The following UHRF2 variants were observed in gnomAD, a reference collection of about 807,000 sequenced individuals.
UHRF2 encodes E3 ubiquitin-protein ligase UHRF2.
Under a neutral mutation model 96.8 loss-of-function variants are expected in UHRF2, and 23 were observed. The ratio of observed to expected loss-of-function variants is 0.24; its 90% CI spans 0.17 to 0.34. The LOEUF (loss-of-function observed/expected upper bound fraction) is 0.34. Among genes scored for constraint, UHRF2 ranks in the 10% least tolerant of loss-of-function variants. The probability of loss-of-function intolerance (pLI) is 1.00; values close to 1 mark genes in which losing one functional copy is unlikely to be tolerated. For missense variants in UHRF2, 685 were observed against 981.5 expected, an observed-to-expected ratio of 0.70 and a Z score of 4.04; for synonymous variants, 385 against 332.6, an observed-to-expected ratio of 1.16 and a Z score of -1.72.
At chr9:6,414,386 A>T (rs1185970887) in intron 1 of UHRF2, among the ~76,000 whole-genome samples, 2 of 152,118 alleles carry the variant, frequency 1.3e-5, no homozygotes, top group Non-Finnish European at 2.9e-5. Context: ...TGCTTTTCTT[A>T]CTTCTCGCCT....
At chr9:6,484,096 AG>A (rs1383965827) in intron 8 of UHRF2, among the ~76,000 whole-genome samples, 1 of 146,834 alleles carries the variant, frequency 6.8e-6, no homozygotes, top group Non-Finnish European at 1.5e-5. Context: ...TTTAAGAGAC[AG>A]GGTCTTGCTC....
intron 2 of UHRF2, among the ~76,000 whole-genome samples, chr9:6,427,532 A>G (rs10739100): frequency 2.0e-5 from 3 of 151,738 alleles, no homozygotes; most frequent in African/African-American, 7.3e-5. Context: ...ACTGAAAATA[A>G]AAAAATTAGC....
intron 3 of UHRF2, 72 bp downstream of exon 3, chr9:6,434,245 T>C: frequency 1.4e-6 from 2 of 1,471,718 alleles, no homozygotes; most frequent in South Asian, 1.4e-5. Context: ...TATTTCAAGA[T>C]TATTTTAAAT....
intron 2 of UHRF2, among the ~76,000 whole-genome samples, chr9:6,430,690 C>T (rs1012062014): frequency 2.6e-5 from 4 of 152,166 alleles, no homozygotes; most frequent in Non-Finnish European, 5.9e-5. Flanking sequence ...GCCACCCCTA[C>T]AATCCAAAGC....
intron 6 of UHRF2, among the ~76,000 whole-genome samples, chr9:6,479,936 G>A (rs1241009700): frequency 2.0e-5 from 3 of 151,900 alleles, no homozygotes; most frequent in South Asian, 2.1e-4. Context: ...TGTACTATCC[G>A]TTCTCCCATA....
chr9:6,453,011 T>G (rs1304306548), intron 3 of UHRF2, among the ~76,000 whole-genome samples: 1 of 152,230 alleles, frequency 6.6e-6, no homozygotes, highest in East Asian at 1.9e-4. Context: ...CCCTAGCAAT[T>G]GACTTACTGT....
chr9:6,421,747 C>CCCTA (rs1240417386), intron 2 of UHRF2, among the ~76,000 whole-genome samples: 4 of 152,244 alleles, frequency 2.6e-5, no homozygotes, highest in Admixed American at 6.5e-5. Flanking sequence ...TCGTGTGTGT[C>CCCTA]CCTATCAGAA....
chr9:6,466,814 A>G (rs1227991997), intron 4 of UHRF2, among the ~76,000 whole-genome samples: 1 of 152,140 alleles, frequency 6.6e-6, no homozygotes, highest in Non-Finnish European at 1.5e-5. Context: ...TTTGTACTTG[A>G]TGTTCCCTCC....
chr9:6,429,275 A>G (rs1820441654), intron 2 of UHRF2, among the ~76,000 whole-genome samples: 1 of 152,218 alleles, frequency 6.6e-6, no homozygotes, highest in South Asian at 2.1e-4. Flanking sequence ...CTCTTGAGCA[A>G]ATGTATTTCA....
intron 4 of UHRF2, among the ~76,000 whole-genome samples, chr9:6,471,345 G>A (rs528695419): frequency 1.3e-5 from 2 of 152,302 alleles, no homozygotes; most frequent in Admixed American, 6.5e-5. Context: ...TTTGAAAATA[G>A]CAGCTATGGT....
intron 3 of UHRF2, among the ~76,000 whole-genome samples, chr9:6,442,582 G>C (rs1821239145): frequency 6.6e-6 from 1 of 151,910 alleles, no homozygotes; most frequent in Non-Finnish European, 1.5e-5. Context: ...GGGCTGAAGT[G>C]ATCCTCCTGC....
chr9:6,413,705 A>G, intron 1 of UHRF2, 62 bp downstream of exon 1: 3 of 1,430,946 alleles, frequency 2.1e-6, no homozygotes, highest in Non-Finnish European at 1.8e-6. Flanking sequence ...GCTCCTCTGG[A>G]CGCACCGGTC....
chr9:6,488,835 T>TA lies in UHRF2; in HGVS notation c.1497+1911dup, dbSNP rs1364443595. ...TTGTTTTGTTTTGTTTTTTTTGAGA[T>TA]AGAGTCTCACTCTGTCTTCCAGGCT... On this transcript the variant is annotated intron_variant, in intron 9 of 15. Coordinates refer to ENST00000276893, the MANE Select transcript of UHRF2 (RefSeq NM_152896.3). 6.0e-5 allele frequency among the ~76,000 whole-genome samples: 9 copies of TA among 150,930 alleles called. 1 individual carries two copies. Among genetic ancestry groups the TA allele is most frequent in the Admixed American group, 4.6e-4 (7 of 15,130 alleles).
Position 6,506,183 on chromosome 9 carries a change from G to T in UHRF2, c.*4G>T. ...TGGCTACAGCAAAGGACGATGATCT[G>T]CCTGCTTTCACTGTGTTGTTCATGG... On this transcript the variant is annotated 3_prime_UTR_variant, in exon 16 of 16. Transcript: ENST00000276893. The T allele has an allele frequency of 6.2e-7, 1 of 1,613,820 alleles. No homozygotes were observed. The highest frequency in any genetic ancestry group is 8.5e-7 in the Non-Finnish European group (1 of 1,179,880).
At chr9:6,481,815 A>G in intron 7 of UHRF2, 49 bp downstream of exon 7, 1 of 1,587,340 alleles carries the variant, frequency 6.3e-7, no homozygotes, top group East Asian at 2.2e-5. Context: ...TATAATATAT[A>G]ATGTTTTAAT....
At chr9:6,478,992 C>G (rs1823760043) in intron 6 of UHRF2, among the ~76,000 whole-genome samples, 1 of 152,180 alleles carries the variant, frequency 6.6e-6, no homozygotes, top group Non-Finnish European at 1.5e-5. Context: ...CCTGCTCTCA[C>G]AGTTCCATAG....
At chr9:6,421,203 G>A in intron 2 of UHRF2, 61 bp downstream of exon 2, 1 of 1,302,424 alleles carries the variant, frequency 7.7e-7, no homozygotes, top group South Asian at 1.4e-5. Context: ...TTTCTGTTCA[G>A]GATGTTTTGA....
intron 6 of UHRF2, 58 bp from the exon 7 acceptor site, chr9:6,481,585 G>C (rs1016363584): frequency 3.2e-6 from 5 of 1,577,912 alleles, no homozygotes; most frequent in Non-Finnish European, 3.4e-6. Context: ...CTAATATTCT[G>C]TTACTAGCTT....
intron 1 of UHRF2, among the ~76,000 whole-genome samples, chr9:6,417,890 A>G (rs1202880919): frequency 6.6e-6 from 1 of 152,208 alleles, no homozygotes; most frequent in Non-Finnish European, 1.5e-5. Context: ...GACTGTAGAA[A>G]TACCCTCAAC....
Sources: gnomAD v4.1 joint callset for allele counts (sites outside exome capture counted in the v4.1 genomes callset) on GRCh38, gnomAD v4.1.1 for gene constraint, MANE v1.5 for transcripts, NCBI Gene and HGNC (gene_info 2026-07-23, HGNC 2026-07-21) for gene names.